Variants in KCNT2 observed in about 807,000 individuals in gnomAD.
The protein encoded by KCNT2 is potassium channel subfamily T member 2.
A neutral mutation model predicts 153.8 loss-of-function variants in KCNT2; 67 were observed. The observed-to-expected ratio is 0.44, with a 90% CI of 0.36 to 0.53. KCNT2 has a LOEUF of 0.53. KCNT2 is among the 20% of genes least tolerant of loss of function. The pLI is 0.00. For synonymous variants in KCNT2, 500 were observed against 458.8 expected (o/e 1.09, Z -1.15); for missense variants, 975 against 1,354.8 (o/e 0.72, Z 4.40).
At chr1:196,600,589 G>T (rs557035518) in intron 1 of KCNT2, among the ~76,000 whole-genome samples, 1 of 152,176 alleles carries the variant, frequency 6.6e-6, no homozygotes, top group South Asian at 2.1e-4. Context: ...TGAATTTCTT[G>T]GTTTCTATGT....
chr1:196,550,271 A>G lies in KCNT2; in HGVS notation c.96-57930T>C, dbSNP rs539614648. Reference sequence around the variant, plus strand: ...GCACTTTCTCAGCATGAGTGAGAGAAAAAAAAATTTAAACCCAAAGATCCT... The same window carrying G: ...GCACTTTCTCAGCATGAGTGAGAGAGAAAAAAATTTAAACCCAAAGATCCT... On this transcript the variant is annotated intron_variant, in intron 1 of 27. Coordinates refer to ENST00000294725, the MANE Select transcript of KCNT2 (RefSeq NM_198503.5). Among the ~76,000 whole-genome samples, 4 of 151,964 alleles carry G rather than the reference A, an allele frequency of 2.6e-5. No homozygotes were observed. The East Asian group carries it at 7.8e-4, about 30-fold the overall frequency.
chr1:196,489,930 C>T lies in KCNT2; in HGVS notation c.183G>A (p.Arg61=), dbSNP rs1215812960. Residue 61 remains arginine (R), a synonymous_variant, in exon 3 of 28, where the codon AGG becomes AGA. Coordinates refer to ENST00000294725, the MANE Select transcript of KCNT2 (RefSeq NM_198503.5). ...FFIKNQRSSL[R]IRLFNFSLKL... is the part of the protein sequence containing the mutation. ...TGAGAGAAAAATTGAACAGGCGTAT[C>T]CTTAGACCTTTAAACAAATGATAAA... 6.0e-6 allele frequency: 9 copies of T among 1,491,490 alleles called. No homozygotes were observed. Among genetic ancestry groups the T allele is most frequent in the Non-Finnish European group, 8.2e-6 (9 of 1,099,606 alleles). The allele number at this position is 1,491,490 out of a possible 1,614,324, so 92.4% of individuals were successfully genotyped here. A position where few individuals can be genotyped will look rare whatever the true frequency, so the allele number is the denominator to read the frequency against.
intron 10 of KCNT2, among the ~76,000 whole-genome samples, chr1:196,427,092 T>A (rs934200891): frequency 1.6e-4 from 24 of 151,986 alleles, no homozygotes; most frequent in African/African-American, 5.8e-4. Context: ...TTCCCACAAA[T>A]GGATTTCCTT....
intron 22 of KCNT2, among the ~76,000 whole-genome samples, chr1:196,292,675 C>T (rs550462023): frequency 1.6e-4 from 24 of 152,058 alleles, no homozygotes; most frequent in Middle Eastern, 6.8e-3. Flanking sequence ...GGCGCCTTGG[C>T]GGGCGCCTGT....
At chr1:196,592,274 C>T (rs537694976) in intron 1 of KCNT2, among the ~76,000 whole-genome samples, 1 of 151,906 alleles carries the variant, frequency 6.6e-6, no homozygotes, top group African/African-American at 2.4e-5. Flanking sequence ...GACATCTTTT[C>T]ACTTATTTGT....
intron 1 of KCNT2, among the ~76,000 whole-genome samples, chr1:196,539,737 A>G (rs1056235400): frequency 6.6e-6 from 1 of 151,994 alleles, no homozygotes; most frequent in African/African-American, 2.4e-5. Context: ...TTGGAAACAG[A>G]TATGAAATAA....
intron 8 of KCNT2, among the ~76,000 whole-genome samples, chr1:196,431,575 A>G (rs1022791703): frequency 1.3e-5 from 2 of 152,136 alleles, no homozygotes; most frequent in Non-Finnish European, 2.9e-5. Flanking sequence ...CATCCTTATT[A>G]CAAAGTGGTA....
chr1:196,439,673 C>T (rs1675049905), intron 8 of KCNT2, among the ~76,000 whole-genome samples: 1 of 151,866 alleles, frequency 6.6e-6, no homozygotes, highest in African/African-American at 2.4e-5. Context: ...ATTTAACATT[C>T]CTATTAGATA....
intron 25 of KCNT2, among the ~76,000 whole-genome samples, chr1:196,276,853 T>C (rs1373889674): frequency 1.3e-5 from 2 of 152,106 alleles, no homozygotes; most frequent in East Asian, 1.9e-4. Flanking sequence ...TAGTACCTTG[T>C]ATGTGACCTA....
chr1:196,469,974 C>T (rs1026191550), intron 5 of KCNT2, among the ~76,000 whole-genome samples: 1 of 152,072 alleles, frequency 6.6e-6, no homozygotes, highest in African/African-American at 2.4e-5. Flanking sequence ...CCTTAAGGCC[C>T]CAAAGGTTTA....
At chr1:196,405,865 C>A (rs1671787035) in intron 12 of KCNT2, among the ~76,000 whole-genome samples, 1 of 151,272 alleles carries the variant, frequency 6.6e-6, no homozygotes, top group African/African-American at 2.4e-5. Flanking sequence ...GATAGATTTG[C>A]CCAAAATTTA....
intron 1 of KCNT2, among the ~76,000 whole-genome samples, chr1:196,545,266 A>G (rs1288463758): frequency 3.3e-5 from 5 of 152,232 alleles, no homozygotes; most frequent in African/African-American, 1.2e-4. Context: ...AGCAGGATAT[A>G]GTTATAACAT....
At chr1:196,578,093 G>T (rs142148300) in intron 1 of KCNT2, among the ~76,000 whole-genome samples, 338 of 152,150 alleles carry the variant, frequency 2.2e-3, no homozygotes, top group Non-Finnish European at 3.9e-3. Flanking sequence ...GTAGCTCATT[G>T]ATATAGTACA....
At chr1:196,374,303 A>G (rs1454443973) in intron 13 of KCNT2, among the ~76,000 whole-genome samples, 1 of 151,820 alleles carries the variant, frequency 6.6e-6, no homozygotes, top group Non-Finnish European at 1.5e-5. Flanking sequence ...AGAAAGAAGA[A>G]AAGGTTACAT....
intron 1 of KCNT2, 34 bp downstream of exon 1, chr1:196,608,181 T>A (rs16840262): frequency 6.3e-7 from 1 of 1,587,466 alleles, no homozygotes; most frequent in Non-Finnish European, 8.7e-7. Context: ...TTTTCAGCAA[T>A]ATTTACAGAA....
chr1:196,422,400 T>C (rs1254685580), intron 12 of KCNT2, among the ~76,000 whole-genome samples: 1 of 151,896 alleles, frequency 6.6e-6, no homozygotes, highest in Non-Finnish European at 1.5e-5. Context: ...ACACAGGAGG[T>C]AGTAGAATTT....
intron 12 of KCNT2, among the ~76,000 whole-genome samples, chr1:196,419,927 T>A (rs1673064002): frequency 1.3e-5 from 2 of 152,044 alleles, no homozygotes; most frequent in Non-Finnish European, 2.9e-5. Context: ...ATTTGACAAT[T>A]TTTGTGTGGA....
At chr1:196,363,197 T>G (rs146308159) in intron 14 of KCNT2, among the ~76,000 whole-genome samples, 226 of 152,234 alleles carry the variant, frequency 1.5e-3, no homozygotes, top group African/African-American at 5.2e-3. Flanking sequence ...TTTATTTTAT[T>G]TTATGGGCTA....
intron 25 of KCNT2, among the ~76,000 whole-genome samples, chr1:196,276,500 C>G (rs1238750731): frequency 6.6e-6 from 1 of 152,010 alleles, no homozygotes; most frequent in African/African-American, 2.4e-5. Context: ...CTGACCTGCT[C>G]TAGGTCTCCC....
Sources: allele counts gnomAD v4.1 joint callset (sites outside exome capture counted in the v4.1 genomes callset), GRCh38; gene constraint gnomAD v4.1.1; transcripts MANE v1.5; gene names NCBI Gene and HGNC (gene_info 2026-07-23, HGNC 2026-07-21).